PHIP: variants seen among roughly 807,000 people sequenced by gnomAD.
The protein encoded by PHIP is PHIP subunit of CUL4-Ring ligase complex.
PHIP carries 54 observed loss-of-function variants against 236.8 expected under a neutral mutation model. The observed-to-expected ratio is 0.23, with a 90% CI of 0.18 to 0.29. The LOEUF (loss-of-function observed/expected upper bound fraction) is 0.29, where lower values mean the gene tolerates loss of function less well. Ranked by LOEUF, PHIP falls within the 10% of genes least tolerant of loss-of-function variation. PHIP has a pLI of 1.00. For synonymous variants in PHIP, 756 were observed against 718.9 expected (o/e 1.05, Z -0.83); for missense variants, 1,370 against 2,190.8 (o/e 0.63, Z 7.48).
chr6:78,991,831 G>T, intron 19 of PHIP, among the ~76,000 whole-genome samples: 1 of 150,186 alleles, frequency 6.7e-6, no homozygotes, highest in African/African-American at 2.5e-5. Context: ...GAACAGGCTT[G>T]GATTTAATTT....
chr6:78,985,284 G>A, intron 22 of PHIP, 68 bp downstream of exon 22: 1 of 843,880 alleles, frequency 1.2e-6, no homozygotes, highest in Non-Finnish European at 2.0e-6. Context: ...CGTGTTGCTG[G>A]TTAAAAAAAA....
intron 15 of PHIP, among the ~76,000 whole-genome samples, chr6:79,009,860 CAA>C (rs890994757): frequency 8.6e-5 from 13 of 151,054 alleles, no homozygotes; most frequent in Admixed American, 4.0e-4. Context: ...CCTTTTGTAC[CAA>C]GATATATATA....
chr6:78,998,434 A>G (rs915183923), intron 17 of PHIP, 43 bp from the exon 18 acceptor site: 1 of 1,560,800 alleles, frequency 6.4e-7, no homozygotes, highest in African/African-American at 1.4e-5. Flanking sequence ...TTTAGCTACT[A>G]TTCAAACCAT....
At chr6:79,013,701 A>G (rs972972741) in intron 15 of PHIP, among the ~76,000 whole-genome samples, 1 of 151,682 alleles carries the variant, frequency 6.6e-6, no homozygotes, top group Admixed American at 6.6e-5. Flanking sequence ...TCACCTTTAT[A>G]TAACTGAAAA....
At chr6:79,018,946 C>A in intron 10 of PHIP, 143 bp downstream of exon 10, 3 of 550,308 alleles carry the variant, frequency 5.5e-6, no homozygotes. Context: ...TATAATAATT[C>A]TCAGTTACTT....
At chr6:78,991,964 CTTTTTT>C (rs1250908263) in intron 19 of PHIP, among the ~76,000 whole-genome samples, 2 of 133,056 alleles carry the variant, frequency 1.5e-5, no homozygotes, top group Non-Finnish European at 1.6e-5. Context: ...CAAATAGTAA[CTTTTTT>C]TTTTTTTTTT....
intron 6 of PHIP, among the ~76,000 whole-genome samples, chr6:79,047,064 A>C (rs1267109856): frequency 6.6e-6 from 1 of 152,214 alleles, no homozygotes; most frequent in East Asian, 1.9e-4. Flanking sequence ...AAATGAAATA[A>C]AAATTCCAGA....
intron 7 of PHIP, 99 bp from the exon 8 acceptor site, chr6:79,026,263 G>A (rs764101872): frequency 8.7e-5 from 75 of 866,174 alleles, no homozygotes; most frequent in Non-Finnish European, 1.3e-4. Context: ...TTCTGAACAA[G>A]TATATTTTTA....
chr6:78,999,298 A>AACATG (rs1287489020), intron 17 of PHIP, among the ~76,000 whole-genome samples: 1 of 152,172 alleles, frequency 6.6e-6, no homozygotes, highest in Non-Finnish European at 1.5e-5. Context: ...TATAAAGATA[A>AACATG]ACATGACAAT....
intron 15 of PHIP, among the ~76,000 whole-genome samples, chr6:79,004,885 G>A (rs1426491281): frequency 6.6e-6 from 1 of 152,016 alleles, no homozygotes; most frequent in Non-Finnish European, 1.5e-5. Context: ...TTCAGAAGAA[G>A]AATAACTGAT....
rs778180694 is a variant in PHIP at position 79,077,903 on chromosome 6, G to A, written c.51C>T (p.Phe17=). 5 of 1,593,938 alleles carry A rather than the reference G, an allele frequency of 3.1e-6. No homozygotes were observed. The highest frequency in any genetic ancestry group is 2.7e-5 in the African/African-American group (2 of 74,122). Residue 17 remains phenylalanine (F), a synonymous_variant, in exon 2 of 40, where the codon TTC becomes TTT. Transcript: ENST00000275034. ...GLSELRSELY[F]LIARFLEDGP... ...CATCTTCCAGGAACCGGGCGATGAG[G>A]AAGTAGAGCTCTGCGCGGGAGAGAG...
At chr6:79,046,766 T>C (rs1239782126) in intron 6 of PHIP, among the ~76,000 whole-genome samples, 1 of 151,868 alleles carries the variant, frequency 6.6e-6, no homozygotes, top group Non-Finnish European at 1.5e-5. Context: ...ATCCCAGCTA[T>C]GTGGGAGGCT....
chr6:79,058,880 T>C (rs1213880609), intron 6 of PHIP, among the ~76,000 whole-genome samples: 2 of 152,082 alleles, frequency 1.3e-5, no homozygotes, highest in African/African-American at 4.8e-5. Flanking sequence ...AGGATAAACT[T>C]TTCCTAAATG....
rs1562114496 is a variant in PHIP, at chr6:78,946,214, T to C, written c.4417A>G (p.Ser1473Gly). 2 of 1,613,136 alleles carry C rather than the reference T, an allele frequency of 1.2e-6. No homozygotes were observed. Among genetic ancestry groups the C allele is most frequent in the Non-Finnish European group, 1.7e-6 (2 of 1,179,114 alleles). The change falls in exon 38 of 40, where the codon AGC becomes GGC. Residue 1473 changes from serine (S) to glycine (G), a missense_variant. Ser to Gly is a moderately conservative substitution (Grantham distance 56). This residue lies in a region of PHIP where 125 missense variants were observed against 235.1 expected (regional missense o/e 0.53). Coordinates refer to ENST00000275034, the MANE Select transcript of PHIP (RefSeq NM_017934.7). Reference protein sequence around the residue: ...RILKPQLKSESSTSAFSTPTR... With the variant: ...RILKPQLKSEGSTSAFSTPTR... ...GGTGTAGAGAATGCAGAGGTAGAGCTTTCTGATTTTAGCTGGGGTTTTAAG... is the reference window on the plus strand; with the variant it reads ...GGTGTAGAGAATGCAGAGGTAGAGCCTTCTGATTTTAGCTGGGGTTTTAAG...
chr6:78,977,476 G>A (rs1159827829), intron 24 of PHIP, among the ~76,000 whole-genome samples: 11 of 152,072 alleles, frequency 7.2e-5, no homozygotes, highest in Admixed American at 6.6e-4. Context: ...GTATACGTAT[G>A]TAACTAACCT....
rs1372973209 is a variant in PHIP at position 79,069,160 on chromosome 6, T to C, written c.189+8288A>G. 3.4e-5 allele frequency among the ~76,000 whole-genome samples: 5 copies of C among 148,416 alleles called. No individual in the cohort carries two copies. In the South Asian group the frequency reaches 8.3e-4, roughly 25 times the overall value. On this transcript the variant is annotated intron_variant, in intron 4 of 39. Coordinates refer to ENST00000275034, the MANE Select transcript of PHIP (RefSeq NM_017934.7). The stretch of plus-strand genomic sequence containing the variant: ...AATTATAGAAATACAATATATTGTA[T>C]ATACATTAATTATATTTTATTATTT...
At chr6:78,955,462 G>A in intron 33 of PHIP, 151 bp downstream of exon 33, 2 of 544,998 alleles carry the variant, frequency 3.7e-6, no homozygotes, top group South Asian at 3.2e-5. Flanking sequence ...ACTATAAGAA[G>A]AATATTCTAC....
intron 12 of PHIP, among the ~76,000 whole-genome samples, chr6:79,016,988 A>T (rs998903181): frequency 2.6e-5 from 4 of 152,018 alleles, no homozygotes; most frequent in Admixed American, 1.3e-4. Context: ...TCCTTTTATA[A>T]CAAGAACATG....
chr6:79,034,912 G>A (rs544140635), intron 7 of PHIP, among the ~76,000 whole-genome samples: 3 of 152,214 alleles, frequency 2.0e-5, no homozygotes, highest in African/African-American at 4.8e-5. Context: ...TTGAGTGTGC[G>A]GGATGGCAAC....
Sources: allele counts gnomAD v4.1 joint callset (sites outside exome capture counted in the v4.1 genomes callset), GRCh38; gene constraint gnomAD v4.1.1; regional missense constraint gnomAD v4.1.1; transcripts MANE v1.5; gene names NCBI Gene and HGNC (gene_info 2026-07-23, HGNC 2026-07-21).